Variants in CNNM2 observed in about 807,000 individuals in gnomAD.
The protein encoded by CNNM2 is metal transporter CNNM2.
A neutral mutation model predicts 66.9 loss-of-function variants in CNNM2; 12 were observed. The observed-to-expected ratio is 0.18, with a 90% CI of 0.11 to 0.29. The LOEUF is 0.29. Among genes scored for constraint, CNNM2 ranks in the 10% least tolerant of loss-of-function variants. CNNM2 has a pLI of 1.00. For missense variants in CNNM2, 705 were observed against 1,167.7 expected (o/e 0.60, Z 5.77); for synonymous variants, 557 against 501.8 (o/e 1.11, Z -1.47).
At position 103,015,797 on chromosome 10, in the gene CNNM2, G is replaced by A. The variant is rs187047049; in HGVS notation, c.1622-33910G>A. On this transcript the variant is annotated intron_variant, in intron 1 of 7. Transcript: ENST00000369878. ...GAACCCGGGAGGTAGAAGTTCCAGT[G>A]AGCTGAGATCATGCCACTGCACTCC... 3.4e-4 allele frequency among the ~76,000 whole-genome samples: 52 copies of A among 152,210 alleles called. 1 individual carries two copies. Among genetic ancestry groups the A allele is most frequent in the Admixed American group, 5.9e-4 (9 of 15,276 alleles).
intron 1 of CNNM2, among the ~76,000 whole-genome samples, chr10:103,017,846 C>G (rs1038869188): frequency 1.3e-5 from 2 of 151,638 alleles, no homozygotes; most frequent in African/African-American, 4.8e-5. Context: ...CACCTGTAAT[C>G]CCAGCTACTC....
rs1228839193 is a variant in CNNM2, at chr10:103,013,619, C to T, written c.1622-36088C>T. Among the ~76,000 whole-genome samples the T allele has an allele frequency of 3.9e-5, 6 of 152,108 alleles. No homozygotes were observed. The South Asian group carries it at 8.3e-4, about 21-fold the overall frequency. On this transcript the variant is annotated intron_variant, in intron 1 of 7. Coordinates refer to ENST00000369878, the MANE Select transcript of CNNM2 (RefSeq NM_017649.5). ...CCTTTATCCAAGCCGAAAACTGTGA[C>T]GCAAACAGTGCTTTCTAAATCGCTG...
chr10:103,069,179 A>G (rs1339572255), intron 5 of CNNM2, among the ~76,000 whole-genome samples: 3 of 152,192 alleles, frequency 2.0e-5, no homozygotes, highest in African/African-American at 7.2e-5. Context: ...CATGTCTAGT[A>G]TGCCACTGTG....
At chr10:103,034,859 G>A (rs1034066925) in intron 1 of CNNM2, among the ~76,000 whole-genome samples, 8 of 151,536 alleles carry the variant, frequency 5.3e-5, no homozygotes, top group Non-Finnish European at 1.0e-4. Flanking sequence ...CCAGCTACTC[G>A]GGAGGCTGAG....
intron 1 of CNNM2, among the ~76,000 whole-genome samples, chr10:102,973,200 C>T (rs547181463): frequency 2.6e-5 from 4 of 151,238 alleles, no homozygotes; most frequent in South Asian, 2.1e-4. Context: ...GTGTTTCTTT[C>T]CTTCTAATTA....
intron 1 of CNNM2, among the ~76,000 whole-genome samples, chr10:102,967,746 T>C (rs2063486983): frequency 6.6e-6 from 1 of 152,216 alleles, no homozygotes; most frequent in African/African-American, 2.4e-5. Context: ...CGGGAGCTCA[T>C]GCCTGTAATC....
chr10:102,956,513 G>T (rs1226278817), intron 1 of CNNM2, among the ~76,000 whole-genome samples: 1 of 152,024 alleles, frequency 6.6e-6, no homozygotes, highest in African/African-American at 2.4e-5. Flanking sequence ...ATAAAGACAC[G>T]TGCACACGTA....
intron 1 of CNNM2, among the ~76,000 whole-genome samples, chr10:102,938,933 G>A (rs1846336189): frequency 2.0e-5 from 3 of 152,102 alleles, no homozygotes; most frequent in Admixed American, 2.0e-4. Context: ...TATTTGAGGA[G>A]AGCCTCTAAT....
chr10:102,994,060 G>C (rs945758438), intron 1 of CNNM2, among the ~76,000 whole-genome samples: 1 of 151,996 alleles, frequency 6.6e-6, no homozygotes, highest in Non-Finnish European at 1.5e-5. Flanking sequence ...CCTCAGCCTC[G>C]TGAGTAGCTG....
chr10:102,962,279 C>T (rs1441738553), intron 1 of CNNM2, among the ~76,000 whole-genome samples: 2 of 152,146 alleles, frequency 1.3e-5, no homozygotes, highest in African/African-American at 4.8e-5. Flanking sequence ...ACAAGTTTAC[C>T]TGTGTAACCA....
chr10:102,918,299 C>T lies in CNNM2; in HGVS notation c.-182C>T, dbSNP rs1475650720. Reference sequence around the variant, plus strand: ...GGAGCAGCCGGCGCTCCTCTCCCTCCCTCTTTCCCTCCCGCGAGCCTCGGG... The same window carrying T: ...GGAGCAGCCGGCGCTCCTCTCCCTCTCTCTTTCCCTCCCGCGAGCCTCGGG... On this transcript the variant is annotated 5_prime_UTR_variant, in exon 1 of 8. Transcript: ENST00000369878. The surrounding 1 kb of genome is among the most constrained non-coding windows in gnomAD (Gnocchi z 4.1). 2.8e-6 allele frequency: 3 copies of T among 1,086,052 alleles called. No individual in the cohort carries two copies. Among genetic ancestry groups the T allele is most frequent in the Middle Eastern group, 3.2e-4 (1 of 3,170 alleles). The allele number at this position is 1,086,052 out of a possible 1,614,324, so 67.3% of individuals were successfully genotyped here. A position where few individuals can be genotyped will look rare whatever the true frequency, so the allele number is the denominator to read the frequency against.
At chr10:103,048,460 C>T (rs1396556474) in intron 1 of CNNM2, among the ~76,000 whole-genome samples, 2 of 152,028 alleles carry the variant, frequency 1.3e-5, no homozygotes, top group South Asian at 2.1e-4. Context: ...AGGTGATCTA[C>T]CTGCCTCAGC....
chr10:103,061,249 T>G (rs2065381554), intron 4 of CNNM2, among the ~76,000 whole-genome samples: 1 of 151,956 alleles, frequency 6.6e-6, no homozygotes, highest in Non-Finnish European at 1.5e-5. Context: ...AAAACTTAGC[T>G]AGACGTGTTG....
Position 102,919,604 on chromosome 10 carries a change from C to T in CNNM2, c.1124C>T (p.Thr375Ile). Residue 375 changes from threonine (T) to isoleucine (I), a missense_variant, in exon 1 of 8, where the codon ACC (threonine) becomes ATC (isoleucine). By Grantham distance (89) the Thr-to-Ile change is moderately conservative (BLOSUM62 -1). Coordinates refer to ENST00000369878, the MANE Select transcript of CNNM2 (RefSeq NM_017649.5). The part of the protein sequence containing the change: ...SRHGLAVGAN[T>I]IFLTKFFMMM... ...CATGGCCTGGCTGTGGGGGCCAACACCATCTTCCTCACCAAGTTTTTCATG... is the reference window on the plus strand; with the variant it reads ...CATGGCCTGGCTGTGGGGGCCAACATCATCTTCCTCACCAAGTTTTTCATG... 1 of 1,613,828 alleles carries T rather than the reference C, an allele frequency of 6.2e-7. No individual in the cohort carries two copies. The highest frequency in any genetic ancestry group is 8.5e-7 in the Non-Finnish European group (1 of 1,180,036).
chr10:103,046,396 T>C (rs2065127420), intron 1 of CNNM2, among the ~76,000 whole-genome samples: 1 of 152,226 alleles, frequency 6.6e-6, no homozygotes, highest in Non-Finnish European at 1.5e-5. Flanking sequence ...GTTATTTATA[T>C]TCTACTGCTC....
intron 1 of CNNM2, among the ~76,000 whole-genome samples, chr10:102,934,684 A>G (rs904804641): frequency 4.6e-5 from 7 of 152,042 alleles, no homozygotes; most frequent in African/African-American, 1.7e-4. Flanking sequence ...GCTAATATCT[A>G]AATGTTTTCG....
intron 1 of CNNM2, among the ~76,000 whole-genome samples, chr10:102,990,586 T>C (rs1042434580): frequency 2.0e-5 from 3 of 152,134 alleles, no homozygotes; most frequent in African/African-American, 7.2e-5. Flanking sequence ...TAGCAATGGC[T>C]CTAAGTCTTC....
In CNNM2 at chr10:102,980,415, G is replaced by A. The variant is rs557208943; in HGVS notation, c.1621+60314G>A. On this transcript the variant is annotated intron_variant, in intron 1 of 7. Transcript: ENST00000369878. ...CCTCCTGAGTAGCTGGACTACAGGC[G>A]CATACCACTACACCTGGCTAATTTT... Among the ~76,000 whole-genome samples, 5 of 150,842 alleles carry A rather than the reference G, an allele frequency of 3.3e-5. No individual in the cohort carries two copies. The East Asian group carries it at 9.7e-4, about 29-fold the overall frequency.
intron 1 of CNNM2, among the ~76,000 whole-genome samples, chr10:102,940,714 G>T (rs902565148): frequency 6.9e-6 from 1 of 144,222 alleles, no homozygotes; most frequent in Non-Finnish European, 1.5e-5. Flanking sequence ...CACCGCGCCT[G>T]GTCCTTATTT....
Sources: gnomAD v4.1 joint callset for allele counts (sites outside exome capture counted in the v4.1 genomes callset) on GRCh38, gnomAD v4.1.1 for gene constraint, Gnocchi (gnomAD v3.1) non-coding constraint, MANE v1.5 for transcripts, NCBI Gene and HGNC (gene_info 2026-07-23, HGNC 2026-07-21) for gene names.